The following OXA1L variants were observed in gnomAD, a reference collection of about 807,000 sequenced individuals.
OXA1L encodes the protein OXA1L mitochondrial inner membrane insertase, also known as mitochondrial inner membrane protein OXA1L.
A neutral mutation model predicts 52.2 loss-of-function variants in OXA1L; 42 were observed. The ratio of observed to expected loss-of-function variants is 0.80; its 90% CI spans 0.63 to 1.04. OXA1L has a LOEUF of 1.04. Ranked by LOEUF, OXA1L falls within the 50% of genes least tolerant of loss-of-function variation. The pLI, the probability that OXA1L is intolerant of heterozygous loss-of-function variation, is 0.00. For missense variants in OXA1L, 572 were observed against 555.0 expected (o/e 1.03, Z -0.31); for synonymous variants, 239 against 201.9 (o/e 1.18, Z -1.56).
intron 1 of OXA1L, chr14:22,766,992 G>A (rs207474506): frequency 2.0e-6 from 3 of 1,532,482 alleles, no homozygotes; most frequent in Non-Finnish European, 8.7e-7. Context: ...AGAGCACCTC[G>A]GCCTCGTTCT....
intron 1 of OXA1L, 174 bp downstream of exon 1, chr14:22,766,938 C>T (rs1412876637): frequency 9.9e-6 from 15 of 1,514,070 alleles, no homozygotes; most frequent in East Asian, 4.9e-5. Context: ...ACTATGGGCC[C>T]AGCAGCCCGG....
chr14:22,766,799 G>A (rs780193313), intron 1 of OXA1L, 35 bp downstream of exon 1: 5 of 1,612,394 alleles, frequency 3.1e-6, no homozygotes, highest in Middle Eastern at 1.7e-4. Flanking sequence ...CCGGGATGCT[G>A]CCCTGACCCA....
At position 22,769,740 on chromosome 14, in the gene OXA1L, T is replaced by C. The variant is rs1432551286; in HGVS notation, c.440-51T>C. 1.9e-6 allele frequency: 3 copies of C among 1,606,016 alleles called. No individual in the cohort carries two copies. The South Asian group carries it at 3.3e-5, about 18-fold the overall frequency. ...AAGGACCTAAAAGCCTTCAACCTTC[T>C]AGCTGCAGAACTGCTTTAATTTCAC... On this transcript the variant is annotated intron_variant, in intron 3 of 9. Transcript: ENST00000612549.
chr14:22,772,225 A>T lies in OXA1L; in HGVS notation c.*667A>T, dbSNP rs10135803. 0.099 allele frequency: 13,368 copies of T among 135,296 alleles called. 979 individuals are homozygous for T. Among genetic ancestry groups the T allele is most frequent in the African/African-American group, 0.2 (7,779 of 39,888 alleles). 8.4% of individuals were successfully genotyped at this position (135,296 alleles called of 1,614,324 possible). ...CCACCCAGGCGCAGTGGCTCACGCC[A>T]GTAATCCCAGCACTTTTGGGAGGCC... On this transcript the variant is annotated 3_prime_UTR_variant, in exon 10 of 10. Coordinates refer to ENST00000612549, the MANE Select transcript of OXA1L (RefSeq NM_005015.5).
chr14:22,771,317 CA>C lies in OXA1L; in HGVS notation c.1153del (p.Met385CysfsTer7), dbSNP rs1208053048. Reference protein sequence around the residue: ...TRQLREREQRMRNQLELAARG... With the variant: ...TRQLREREQRXRNQLELAARG... ...GTCAGCTGCGAGAGCGTGAACAACG[CA>C]TGCGGAATCAGTTGGAGCTAGCAGC... On this transcript the variant is annotated frameshift_variant, in exon 9 of 10. Coordinates refer to ENST00000612549, the MANE Select transcript of OXA1L (RefSeq NM_005015.5). LOFTEE classifies it high-confidence loss of function. 6.2e-7 allele frequency: 1 copy of C among 1,614,208 alleles called. No individual in the cohort carries two copies. Among genetic ancestry groups the C allele is most frequent in the African/African-American group, 1.3e-5 (1 of 75,074 alleles).
Position 22,767,429 on chromosome 14 carries a change from T to C in OXA1L, c.225+20T>C. ...GTCCAGGTAAGAGGCCTTTCGTTCC[T>C]GCAATATTAGGAGTGGTGTTTCCTG... is the stretch of plus-strand genomic sequence containing the variant. On this transcript the variant is annotated intron_variant, in intron 2 of 9. Transcript: ENST00000612549. 6.3e-7 allele frequency: 1 copy of C among 1,580,586 alleles called. No individual in the cohort carries two copies. The highest frequency in any genetic ancestry group is 8.6e-7 in the Non-Finnish European group (1 of 1,165,898).
At chr14:22,767,225 C>T (rs190878656) in intron 1 of OXA1L, 23 bp from the exon 2 acceptor site, 349 of 1,593,290 alleles carry the variant, frequency 2.2e-4, no homozygotes, top group Non-Finnish European at 2.8e-4. Context: ...TAAAGGGGCT[C>T]CATCATCCTT....
rs185527603 is a variant in OXA1L at position 22,772,472 on chromosome 14, G to A, written c.*914G>A. On this transcript the variant is annotated 3_prime_UTR_variant, in exon 10 of 10. Transcript: ENST00000612549. The stretch of plus-strand genomic sequence containing the variant: ...CCACTGCACTCCAGCCTGGGCAAGA[G>A]AGTGAGACTCCTTCTCAAAAAAAAA... 2 of 114,746 alleles carry A rather than the reference G, an allele frequency of 1.7e-5. No individual in the cohort carries two copies. Among genetic ancestry groups the A allele is most frequent in the African/African-American group, 3.6e-5 (1 of 28,074 alleles). The allele number at this position is 114,746 out of a possible 1,614,324, so 7.1% of individuals were successfully genotyped here.
At chr14:22,770,359 C>CA (rs1566434763) in intron 5 of OXA1L, 81 bp downstream of exon 5, 2 of 1,536,012 alleles carry the variant, frequency 1.3e-6, no homozygotes, top group Admixed American at 1.7e-5. Context: ...CCAGGTCCCC[C>CA]AAAAAACAGG....
In OXA1L at chr14:22,770,295, C is replaced by T; in HGVS notation, c.669+17C>T. The T allele has an allele frequency of 6.3e-7, 1 of 1,576,832 alleles. No individual in the cohort carries two copies. The highest frequency in any genetic ancestry group is 1.7e-5 in the Admixed American group (1 of 59,942). ...GTGACTCAGGTGAGCAAAAACATTT[C>T]CTTCCTTATTTCATCCAGTACCCAT... On this transcript the variant is annotated intron_variant, in intron 5 of 9. Transcript: ENST00000612549.
Position 22,771,991 on chromosome 14 carries a change from G to A in OXA1L, c.*433G>A, listed in dbSNP as rs945258872. 13 of 163,176 alleles carry A rather than the reference G, an allele frequency of 8.0e-5. No homozygotes were observed. The highest frequency in any genetic ancestry group is 2.9e-4 in the African/African-American group (12 of 41,568). The allele number at this position is 163,176 out of a possible 1,614,324, so 10.1% of individuals were successfully genotyped here. ...TGCACACCTGTAGTCCCAGCTACTCGGGAGGCTGAGGCAGGAGAATTGCTT... is the reference window on the plus strand; with the variant it reads ...TGCACACCTGTAGTCCCAGCTACTCAGGAGGCTGAGGCAGGAGAATTGCTT... On this transcript the variant is annotated 3_prime_UTR_variant, in exon 10 of 10. Transcript: ENST00000612549.
intron 2 of OXA1L, 165 bp downstream of exon 2, chr14:22,767,574 G>T (rs1021816487): frequency 1.7e-6 from 1 of 596,142 alleles, no homozygotes; most frequent in Non-Finnish European, 2.9e-6. Context: ...TTTCAATTCA[G>T]TGGGGAAATG....
Position 22,766,698 on chromosome 14 carries a change from C to T in OXA1L, c.-4C>T. On this transcript the variant is annotated 5_prime_UTR_variant, in exon 1 of 10. Transcript: ENST00000612549. ...GCGCAAAAGCAAGTCCTCTTCCGGG[C>T]AAAATGGCGATGGGACTAATGTGCG... is the stretch of plus-strand genomic sequence containing the variant. 6.2e-7 allele frequency: 1 copy of T among 1,614,270 alleles called. No individual in the cohort carries two copies. Among genetic ancestry groups the T allele is most frequent in the Non-Finnish European group, 8.5e-7 (1 of 1,180,048 alleles).
Position 22,771,038 on chromosome 14 carries a change from C to T in OXA1L, c.960C>T (p.Leu320=), listed in dbSNP as rs756322407. The change falls in exon 8 of 10, where the codon CTC becomes CTT. Residue 320 remains leucine (L), a synonymous_variant. Coordinates refer to ENST00000612549, the MANE Select transcript of OXA1L (RefSeq NM_005015.5). The part of the protein sequence containing the change: ...HFPTAVFMYW[L]SSNLFSLVQV... ...CCCAGGCAGTGTTTATGTACTGGCT[C>T]TCCTCCAATTTGTTTTCCCTGGTCC... The T allele has an allele frequency of 1.9e-6, 3 of 1,614,204 alleles. No individual in the cohort carries two copies. The highest frequency in any genetic ancestry group is 2.2e-5 in the South Asian group (2 of 91,088).
chr14:22,767,776 C>A lies in OXA1L; in HGVS notation c.226-182C>A, dbSNP rs2038422137. 3 of 540,714 alleles carry A rather than the reference C, an allele frequency of 5.5e-6. No homozygotes were observed. The East Asian group carries it at 8.7e-5, about 16-fold the overall frequency. 33.5% of individuals were successfully genotyped at this position (540,714 alleles called of 1,614,324 possible). The stretch of plus-strand genomic sequence containing the variant: ...CATGGATTCTTACTCAAAGTAACTT[C>A]TCTTCCTAACTATTGATAAAAATGA... On this transcript the variant is annotated intron_variant, in intron 2 of 9. Coordinates refer to ENST00000612549, the MANE Select transcript of OXA1L (RefSeq NM_005015.5).
chr14:22,766,952 C>G (rs1448646976), intron 1 of OXA1L, 188 bp downstream of exon 1: 9 of 1,517,632 alleles, frequency 5.9e-6, no homozygotes, highest in Non-Finnish European at 7.9e-6. Context: ...AGCCCGGTGT[C>G]AGCTTCTGGA....
At chr14:22,767,043 G>C (rs1019856985) in intron 1 of OXA1L, 2 of 1,535,962 alleles carry the variant, frequency 1.3e-6, no homozygotes, top group African/African-American at 2.7e-5. Context: ...TGAGATGCGG[G>C]GAACCCAGGT....
At position 22,770,576 on chromosome 14, in the gene OXA1L, T is replaced by G. The variant is rs780756909; in HGVS notation, c.785T>G (p.Ile262Ser). 6.2e-7 allele frequency: 1 copy of G among 1,613,952 alleles called. No homozygotes were observed. Among genetic ancestry groups the G allele is most frequent in the Non-Finnish European group, 8.5e-7 (1 of 1,179,948 alleles). ...WFQDLTVSDP[I>S]YILPLAVTAT... ...CAGGATCTCACGGTATCCGATCCCATCTACATATTACCACTGGCAGTCACT... is the reference window on the plus strand; with the variant it reads ...CAGGATCTCACGGTATCCGATCCCAGCTACATATTACCACTGGCAGTCACT... The change falls in exon 6 of 10, where the codon ATC becomes AGC. Residue 262 changes from isoleucine to serine, a missense_variant. Around this residue, in one of 5 missense-constraint regions of OXA1L, gnomAD observed 244 missense variants for 240.2 expected, o/e 1.02. Coordinates refer to ENST00000612549, the MANE Select transcript of OXA1L (RefSeq NM_005015.5).
intron 5 of OXA1L, 83 bp from the exon 6 acceptor site, chr14:22,770,378 G>T: frequency 6.4e-7 from 1 of 1,560,562 alleles, no homozygotes; most frequent in East Asian, 2.2e-5. Flanking sequence ...GGTGGTGGTG[G>T]ATTATACATG....
Sources: allele counts gnomAD v4.1 joint callset, GRCh38; gene constraint gnomAD v4.1.1; regional missense constraint gnomAD v4.1.1; transcripts MANE v1.5; gene names NCBI Gene and HGNC (gene_info 2026-07-23, HGNC 2026-07-21).